VPS54: variants seen among roughly 807,000 people sequenced by gnomAD.
VPS54 encodes vacuolar protein sorting-associated protein 54.
Under a neutral mutation model 121.5 loss-of-function variants are expected in VPS54, and 45 were observed. That is an observed-to-expected ratio of 0.37 (90% CI 0.29 to 0.47). The LOEUF (loss-of-function observed/expected upper bound fraction) is 0.47, where lower values mean the gene tolerates loss of function less well. Ranked by LOEUF, VPS54 falls within the 20% of genes least tolerant of loss-of-function variation. The pLI is 0.99. For synonymous variants in VPS54, 371 were observed against 385.8 expected (o/e 0.96, Z 0.45); for missense variants, 1,090 against 1,131.4 (o/e 0.96, Z 0.52).
At chr2:63,963,889 C>T (rs531864071) in intron 6 of VPS54, among the ~76,000 whole-genome samples, 1 of 152,218 alleles carries the variant, frequency 6.6e-6, no homozygotes, top group South Asian at 2.1e-4. Flanking sequence ...GACTGTTTAA[C>T]AGGGCCATAA....
intron 1 of VPS54, among the ~76,000 whole-genome samples, chr2:64,006,425 G>C (rs17028300): frequency 0.015 from 2,232 of 152,256 alleles, 58 homozygotes; most frequent in African/African-American, 0.05. Flanking sequence ...CATACAATCA[G>C]TTAGATCACT....
intron 10 of VPS54, among the ~76,000 whole-genome samples, chr2:63,944,072 A>C: frequency 6.6e-6 from 1 of 152,078 alleles, no homozygotes; most frequent in East Asian, 1.9e-4. Context: ...AAAAAAATAC[A>C]AACATGGGCA....
intron 1 of VPS54, among the ~76,000 whole-genome samples, chr2:63,992,357 T>G (rs550900566): frequency 6.6e-6 from 1 of 152,216 alleles, no homozygotes; most frequent in Non-Finnish European, 1.5e-5. Context: ...ACTCTTATAG[T>G]ACTCCCAGTC....
At chr2:63,978,143 AT>A (rs1157276150) in intron 3 of VPS54, among the ~76,000 whole-genome samples, 2 of 152,102 alleles carry the variant, frequency 1.3e-5, no homozygotes, top group Non-Finnish European at 2.9e-5. Context: ...TCAGTTGTTG[AT>A]TTTCAGTTTG....
intron 22 of VPS54, among the ~76,000 whole-genome samples, chr2:63,897,070 A>G (rs1157656314): frequency 2.6e-5 from 4 of 152,242 alleles, no homozygotes; most frequent in African/African-American, 7.2e-5. Flanking sequence ...ACAATAAAAT[A>G]TATACATATA....
intron 10 of VPS54, among the ~76,000 whole-genome samples, chr2:63,943,513 T>C (rs1444893881): frequency 1.3e-5 from 2 of 152,166 alleles, no homozygotes; most frequent in Non-Finnish European, 2.9e-5. Context: ...AATTCTGAAA[T>C]TGAGTTTTCC....
intron 4 of VPS54, among the ~76,000 whole-genome samples, chr2:63,969,406 C>T (rs1024835592): frequency 6.6e-6 from 1 of 152,118 alleles, no homozygotes; most frequent in African/African-American, 2.4e-5. Context: ...GTCTGAGCTC[C>T]ACCTTCTGTC....
chr2:63,950,597 G>A (rs139098795), intron 7 of VPS54, among the ~76,000 whole-genome samples: 131 of 152,308 alleles, frequency 8.6e-4, no homozygotes, highest in African/African-American at 3.1e-3. Flanking sequence ...TGTATAAGCA[G>A]AAGACTGGCA....
chr2:63,949,229 A>G, intron 7 of VPS54, 66 bp from the exon 8 acceptor site: 1 of 1,517,772 alleles, frequency 6.6e-7, no homozygotes. Context: ...TCCACAATCA[A>G]GGGAACTAGT....
chr2:63,906,259 T>C (rs1672899098), intron 20 of VPS54, among the ~76,000 whole-genome samples: 1 of 152,182 alleles, frequency 6.6e-6, no homozygotes, highest in Non-Finnish European at 1.5e-5. Context: ...AACATGAGTG[T>C]GTATGCAGAA....
rs1003406763 is a variant in VPS54, at chr2:63,974,434, T to C, written c.379-2190A>G. 3.3e-5 allele frequency among the ~76,000 whole-genome samples: 5 copies of C among 152,310 alleles called. No individual in the cohort carries two copies. The East Asian group carries it at 7.7e-4, about 23-fold the overall frequency. ...ATACTGTGTTAGCTATTCTGGGTCTTTTTCTATATAAGCTTTAGAGTCAGT... is the reference window on the plus strand; with the variant it reads ...ATACTGTGTTAGCTATTCTGGGTCTCTTTCTATATAAGCTTTAGAGTCAGT... On this transcript the variant is annotated intron_variant, in intron 3 of 22. Transcript: ENST00000272322.
intron 7 of VPS54, among the ~76,000 whole-genome samples, chr2:63,960,490 A>T (rs1559022829): frequency 6.6e-6 from 1 of 152,216 alleles, no homozygotes; most frequent in South Asian, 2.1e-4. Context: ...TGAGTCAAGG[A>T]AAGTAAAAGT....
chr2:63,920,981 G>A (rs1483289274), intron 13 of VPS54, among the ~76,000 whole-genome samples: 3 of 152,024 alleles, frequency 2.0e-5, no homozygotes, highest in Non-Finnish European at 4.4e-5. Context: ...ATTTCAAAAT[G>A]TCATTTAATC....
chr2:64,014,177 A>G (rs1559060502), intron 1 of VPS54, among the ~76,000 whole-genome samples: 1 of 152,248 alleles, frequency 6.6e-6, no homozygotes, highest in Non-Finnish European at 1.5e-5. Context: ...CTGAAGAATA[A>G]TTACCTTCAG....
At chr2:64,012,754 C>G (rs186706283) in intron 1 of VPS54, among the ~76,000 whole-genome samples, 61 of 152,070 alleles carry the variant, frequency 4.0e-4, no homozygotes, top group Admixed American at 2.9e-3. Context: ...CTCCTCCCTG[C>G]CTCCTCCAGC....
chr2:63,981,639 A>G lies in VPS54; in HGVS notation c.378+7T>C, dbSNP rs750844381. ...CCTGACTGTAACTAGCCAAGATTAG[A>G]TATTACCTGAGAGATTTCCTGTTGA... On this transcript the variant is annotated splice_region_variant and intron_variant, in intron 3 of 22. Coordinates refer to ENST00000272322, the MANE Select transcript of VPS54 (RefSeq NM_016516.3). 1.3e-6 allele frequency: 2 copies of G among 1,569,988 alleles called. No individual in the cohort carries two copies. The highest frequency in any genetic ancestry group is 1.7e-6 in the Non-Finnish European group (2 of 1,158,218).
At chr2:63,973,523 TTGAG>T (rs1254933763) in intron 3 of VPS54, among the ~76,000 whole-genome samples, 1 of 152,204 alleles carries the variant, frequency 6.6e-6, no homozygotes, top group African/African-American at 2.4e-5. Flanking sequence ...TTTGTTGTTG[TTGAG>T]TTTTAACTCC....
chr2:63,982,498 G>C (rs1472782502), intron 2 of VPS54, among the ~76,000 whole-genome samples: 1 of 152,060 alleles, frequency 6.6e-6, no homozygotes, highest in Non-Finnish European at 1.5e-5. Flanking sequence ...AGGTTCCTGC[G>C]AGCCTTTGGT....
chr2:63,975,990 G>C (rs887209580), intron 3 of VPS54, among the ~76,000 whole-genome samples: 1 of 152,122 alleles, frequency 6.6e-6, no homozygotes, highest in Non-Finnish European at 1.5e-5. Flanking sequence ...GCATCCTGCC[G>C]AAGTGCTGGG....
Sources: allele counts gnomAD v4.1 joint callset (sites outside exome capture counted in the v4.1 genomes callset), GRCh38; gene constraint gnomAD v4.1.1; transcripts MANE v1.5; gene names NCBI Gene and HGNC (gene_info 2026-07-23, HGNC 2026-07-21).